TTLL9: variants seen among roughly 807,000 people sequenced by gnomAD.
TTLL9 encodes the protein tubulin tyrosine ligase like 9.
TTLL9 carries 47 observed loss-of-function variants against 65.6 expected under a neutral mutation model. That is an observed-to-expected ratio of 0.72 (90% CI 0.57 to 0.91). The LOEUF is 0.91. TTLL9 is among the 40% of genes least tolerant of loss of function. TTLL9 has a pLI of 0.00. For missense variants in TTLL9, 537 were observed against 568.8 expected (o/e 0.94, Z 0.57); for synonymous variants, 179 against 204.8 (o/e 0.87, Z 1.07).
At chr20:31,904,350 CTTTTTTTTTTTTT>C (rs71185374) in intron 4 of TTLL9, among the ~76,000 whole-genome samples, 2 of 81,766 alleles carry the variant, frequency 2.4e-5, no homozygotes, top group Admixed American at 1.7e-4. Flanking sequence ...TTTGATAATT[CTTTTTTTTTTTTT>C]TTTTTTTTTT....
chr20:31,924,834 C>T (rs2063871534), intron 8 of TTLL9, among the ~76,000 whole-genome samples, 175 bp from the exon 9 acceptor site: 2 of 152,206 alleles, frequency 1.3e-5, no homozygotes, highest in Admixed American at 1.3e-4. Context: ...GCCTCAGCCT[C>T]CCAAAGTGTT....
intron 2 of TTLL9, among the ~76,000 whole-genome samples, chr20:31,883,844 T>C: frequency 6.6e-6 from 1 of 152,166 alleles, no homozygotes. Flanking sequence ...TCTTAAAAGC[T>C]GAAATAGAGA....
intron 8 of TTLL9, 32 bp downstream of exon 8, chr20:31,923,085 A>G (rs373933910): frequency 2.8e-5 from 42 of 1,522,418 alleles, no homozygotes; most frequent in Non-Finnish European, 3.6e-5. Flanking sequence ...CTGCTCTTCC[A>G]TTGCATGGTC....
chr20:31,907,552 T>A (rs982355036), intron 4 of TTLL9, among the ~76,000 whole-genome samples: 1 of 151,986 alleles, frequency 6.6e-6, no homozygotes, highest in African/African-American at 2.4e-5. Context: ...TGAAACCCCA[T>A]CTCTACTAAA....
At position 31,927,480 on chromosome 20, in the gene TTLL9, CAAAA is replaced by C. The variant is rs777895091; in HGVS notation, c.748+1410_748+1413del. 9.2e-5 allele frequency among the ~76,000 whole-genome samples: 5 copies of C among 54,182 alleles called. No individual in the cohort carries two copies. In the East Asian group the frequency reaches 2.9e-3, roughly 31 times the overall value. 35.5% of individuals were successfully genotyped at this position (54,182 alleles called of 152,430 possible). The stretch of plus-strand genomic sequence containing the variant: ...TGGGTGACAAAATAAGACTCTGTCT[CAAAA>C]AAAAAAAAAAAAAAAAAAAAGAAAC... On this transcript the variant is annotated intron_variant, in intron 10 of 14. Transcript: ENST00000535842.
At chr20:31,906,739 C>T (rs1483973554) in intron 4 of TTLL9, among the ~76,000 whole-genome samples, 1 of 152,076 alleles carries the variant, frequency 6.6e-6, no homozygotes, top group Non-Finnish European at 1.5e-5. Flanking sequence ...AACCTCCACC[C>T]CCCTGCTCAA....
rs138848272 is a variant in TTLL9 at position 31,881,767 on chromosome 20, A to G, written c.70-5429A>G. 2.2e-4 allele frequency among the ~76,000 whole-genome samples: 34 copies of G among 152,268 alleles called. No individual in the cohort carries two copies. In the East Asian group the frequency reaches 6.2e-3, roughly 28 times the overall value. ...TATGAAAGTGTTAGAAAAAAAGAAA[A>G]CAAACATCTACTGAAATAGTCCCTT... On this transcript the variant is annotated intron_variant, in intron 2 of 14. Transcript: ENST00000535842.
At chr20:31,887,878 C>CTTCTCTTCTCTTCTG (rs1555807918) in intron 3 of TTLL9, among the ~76,000 whole-genome samples, 1 of 149,058 alleles carries the variant, frequency 6.7e-6, no homozygotes, top group Admixed American at 6.7e-5. Context: ...CTTCTCTTCT[C>CTTCTCTTCTCTTCTG]TTCTCTTCTC....
intron 10 of TTLL9, 97 bp from the exon 11 acceptor site, chr20:31,933,703 G>A: frequency 8.6e-7 from 1 of 1,168,360 alleles, no homozygotes; most frequent in Non-Finnish European, 1.2e-6. Context: ...CTATTTCGTA[G>A]CCTTCCCCAT....
chr20:31,889,966 ATCTC>A (rs200063582), intron 3 of TTLL9, among the ~76,000 whole-genome samples: 3,335 of 140,202 alleles, frequency 0.024, 84 homozygotes, highest in Middle Eastern at 0.071. Flanking sequence ...ATCAAGCCAC[ATCTC>A]TCTCTTTCTT....
chr20:31,923,127 C>A (rs2063837986), intron 8 of TTLL9, 74 bp downstream of exon 8: 1 of 1,242,288 alleles, frequency 8.0e-7, no homozygotes, highest in Non-Finnish European at 1.2e-6. Context: ...CTTTGACCAG[C>A]AGCCTGCCAA....
At chr20:31,883,890 T>C in intron 2 of TTLL9, 1 of 407,540 alleles carries the variant, frequency 2.5e-6, no homozygotes, top group Non-Finnish European at 4.5e-6. Flanking sequence ...AAGATAAGGA[T>C]GTCAGCTCTT....
chr20:31,892,493 A>G (rs1473889066), intron 3 of TTLL9, among the ~76,000 whole-genome samples: 1 of 152,158 alleles, frequency 6.6e-6, no homozygotes, highest in Non-Finnish European at 1.5e-5. Flanking sequence ...AGTTATAGTT[A>G]TATTTCCCCA....
In TTLL9 at chr20:31,942,982, C is replaced by T. The variant is rs934835103; in HGVS notation, c.1281C>T (p.Leu427=). 1 of 1,614,148 alleles carries T rather than the reference C, an allele frequency of 6.2e-7. No homozygotes were observed. The highest frequency in any genetic ancestry group is 1.1e-5 in the South Asian group (1 of 91,088). The change falls in exon 15 of 15, where the codon CTC becomes CTT. Residue 427 remains leucine (L), a synonymous_variant. Transcript: ENST00000535842. ...VNDRKKQLRQ[L]FCSLQVQKKA... is the part of the protein sequence containing the mutation. ...ATCGGAAGAAACAACTGAGGCAGCT[C>T]TTCTGCTCCCTTCAAGTTCAGAAGA...
At chr20:31,876,674 G>A (rs528239820) in intron 2 of TTLL9, among the ~76,000 whole-genome samples, 5 of 152,230 alleles carry the variant, frequency 3.3e-5, no homozygotes, top group Middle Eastern at 6.8e-3. Context: ...ATAAGATATC[G>A]TCTAGTAGTG....
intron 4 of TTLL9, among the ~76,000 whole-genome samples, chr20:31,906,283 C>G (rs571528202): frequency 6.6e-6 from 1 of 152,298 alleles, no homozygotes; most frequent in East Asian, 1.9e-4. Context: ...CTGGAGGTCA[C>G]CTGGTGGCAG....
At chr20:31,871,060 TC>T in intron 1 of TTLL9, 61 bp from the exon 2 acceptor site, 4 of 1,491,304 alleles carry the variant, frequency 2.7e-6, no homozygotes, top group Non-Finnish European at 3.7e-6. Flanking sequence ...CATTCACTCG[TC>T]CATCTTCCCA....
intron 8 of TTLL9, 135 bp from the exon 9 acceptor site, chr20:31,924,874 G>A: frequency 2.1e-6 from 2 of 964,616 alleles, no homozygotes; most frequent in Non-Finnish European, 1.6e-6. Flanking sequence ...ACCGCGCCTA[G>A]CCCCTTGTGT....
chr20:31,941,553 GT>G (rs138890716), intron 14 of TTLL9, among the ~76,000 whole-genome samples: 5 of 145,002 alleles, frequency 3.4e-5, no homozygotes, highest in South Asian at 4.4e-4. Context: ...GAGAGCTACT[GT>G]TTTTTTTTTA....
Sources: gnomAD v4.1 joint callset for allele counts (sites outside exome capture counted in the v4.1 genomes callset) on GRCh38, gnomAD v4.1.1 for gene constraint, MANE v1.5 for transcripts, NCBI Gene and HGNC (gene_info 2026-07-23, HGNC 2026-07-21) for gene names.